Variants in PIP5K1C observed in about 807,000 individuals in gnomAD.
The protein encoded by PIP5K1C is phosphatidylinositol-4-phosphate 5-kinase type 1 gamma, also known as phosphatidylinositol 4-phosphate 5-kinase type-1 gamma.
PIP5K1C carries 45 observed loss-of-function variants against 80.1 expected under a neutral mutation model. The ratio of observed to expected loss-of-function variants is 0.56; its 90% CI spans 0.44 to 0.72. The LOEUF is 0.72. Ranked by LOEUF, PIP5K1C falls within the 30% of genes least tolerant of loss-of-function variation. The pLI is 0.00. For missense variants in PIP5K1C, 753 were observed against 954.6 expected (o/e 0.79, Z 2.78); for synonymous variants, 498 against 420.1 (o/e 1.19, Z -2.27).
intron 1 of PIP5K1C, among the ~76,000 whole-genome samples, chr19:3,693,419 G>A (rs2036002433): frequency 6.6e-6 from 1 of 152,178 alleles, no homozygotes; most frequent in Non-Finnish European, 1.5e-5. Context: ...CGGGGAGGCA[G>A]GTGCAGGGGC....
rs903094051 is a variant in PIP5K1C at position 3,696,562 on chromosome 19, C to T, written c.94+3735G>A. Reference sequence around the variant, plus strand: ...AGATGCTCCCACAAAACCTGGAAAGCGCTAAGGGAGCAAAGGACACAGATG... The same window carrying T: ...AGATGCTCCCACAAAACCTGGAAAGTGCTAAGGGAGCAAAGGACACAGATG... On this transcript the variant is annotated intron_variant, in intron 1 of 17. Coordinates refer to ENST00000335312, the MANE Select transcript of PIP5K1C (RefSeq NM_012398.3). This position sits in a 1 kb window ranked among gnomAD's most constrained non-coding sequence, Gnocchi z 4.1. Among the ~76,000 whole-genome samples, 16 of 139,042 alleles carry T rather than the reference C, an allele frequency of 1.2e-4. No homozygotes were observed. The highest frequency in any genetic ancestry group is 1.7e-4 in the Non-Finnish European group (11 of 66,192). The allele number at this position is 139,042 out of a possible 152,430, so 91.2% of individuals were successfully genotyped here.
intron 1 of PIP5K1C, among the ~76,000 whole-genome samples, chr19:3,677,620 A>G (rs1233230040): frequency 6.6e-6 from 1 of 150,764 alleles, no homozygotes; most frequent in Non-Finnish European, 1.5e-5. Context: ...CAAGATGCTG[A>G]ATCGTGTTAA....
At chr19:3,639,673 CCTCCTGCCTCAG>C (rs2033882471) in intron 15 of PIP5K1C, among the ~76,000 whole-genome samples, 2 of 151,916 alleles carry the variant, frequency 1.3e-5, no homozygotes, top group African/African-American at 4.8e-5. Context: ...GTCAAGCGAT[CCTCCTGCCTCAG>C]CCTCCTTTAG....
At chr19:3,662,541 C>T (rs763496945) in intron 3 of PIP5K1C, among the ~76,000 whole-genome samples, 2 of 152,206 alleles carry the variant, frequency 1.3e-5, no homozygotes, top group East Asian at 1.9e-4. Context: ...CTCTTGCGGA[C>T]GTGGTGTCAG....
At chr19:3,680,693 A>G (rs1430234835) in intron 1 of PIP5K1C, among the ~76,000 whole-genome samples, 1 of 152,250 alleles carries the variant, frequency 6.6e-6, no homozygotes, top group Admixed American at 6.5e-5. Context: ...TACATAGGTC[A>G]AAAAACATCT....
intron 1 of PIP5K1C, among the ~76,000 whole-genome samples, chr19:3,685,229 T>C (rs964838069): frequency 6.6e-6 from 1 of 152,166 alleles, no homozygotes; most frequent in Non-Finnish European, 1.5e-5. Flanking sequence ...TGTCAATAGA[T>C]TCTCCCCTAG....
intron 4 of PIP5K1C, 120 bp downstream of exon 4, chr19:3,661,751 G>C: frequency 8.3e-7 from 1 of 1,210,358 alleles, no homozygotes; most frequent in Non-Finnish European, 1.2e-6. Context: ...TCAAGGCCAA[G>C]GAGGCGCCAG....
At chr19:3,659,214 C>T (rs1001544300) in intron 5 of PIP5K1C, among the ~76,000 whole-genome samples, 4 of 152,242 alleles carry the variant, frequency 2.6e-5, no homozygotes, top group South Asian at 2.1e-4. Flanking sequence ...CCCGTCCTCC[C>T]GCTGTGGCAC....
rs1256530813 is a variant in PIP5K1C at position 3,697,057 on chromosome 19, GGGAGGACCGAGCTGGACCAA to G, written c.94+3220_94+3239del. On this transcript the variant is annotated intron_variant, in intron 1 of 17. Coordinates refer to ENST00000335312, the MANE Select transcript of PIP5K1C (RefSeq NM_012398.3). ...GACAAAGGAGGACTGAGCTGGACCG[GGGAGGACCGAGCTGGACCAA>G]GGAGGACCGAGCTGGACCGAGGAGG... 8.8e-3 allele frequency among the ~76,000 whole-genome samples: 1,306 copies of G among 147,974 alleles called. 16 individuals carry two copies. The highest frequency in any genetic ancestry group is 0.03 in the African/African-American group (1,220 of 40,056).
rs752327719 is a variant in PIP5K1C, at chr19:3,644,050, T to C, written c.1510+37A>G. ...ACGGGGCTGCTGCTGGCACCCCCTG[T>C]AGCGCCCACAAGCGCACTCTGCCCT... On this transcript the variant is annotated intron_variant, in intron 12 of 17. Transcript: ENST00000335312. 1.9e-6 allele frequency: 3 copies of C among 1,606,706 alleles called. No individual in the cohort carries two copies. The South Asian group carries it at 3.3e-5, about 18-fold the overall frequency.
chr19:3,644,420 T>A (rs913749239), intron 11 of PIP5K1C, among the ~76,000 whole-genome samples, 169 bp from the exon 12 acceptor site: 3 of 152,038 alleles, frequency 2.0e-5, no homozygotes, highest in Non-Finnish European at 4.4e-5. Flanking sequence ...GGGGTCTGCC[T>A]GGGGAGGGAC....
intron 11 of PIP5K1C, 91 bp downstream of exon 11, chr19:3,645,883 G>C: frequency 2.1e-6 from 2 of 948,808 alleles, no homozygotes; most frequent in Non-Finnish European, 3.5e-6. Context: ...TGCCCAGGGG[G>C]CTCTCGGCCT....
intron 1 of PIP5K1C, among the ~76,000 whole-genome samples, chr19:3,687,540 TACATGCAC>T (rs769479020): frequency 2.0e-4 from 30 of 147,402 alleles, no homozygotes; most frequent in Non-Finnish European, 3.0e-4. Context: ...CGCACACACA[TACATGCAC>T]ACATGCACAC....
chr19:3,698,824 C>T (rs2036204237), intron 1 of PIP5K1C, among the ~76,000 whole-genome samples: 1 of 152,142 alleles, frequency 6.6e-6, no homozygotes, highest in East Asian at 1.9e-4. Flanking sequence ...TGAGGCAACT[C>T]TGAATTTTAA....
chr19:3,689,292 T>C (rs2035872402), intron 1 of PIP5K1C, among the ~76,000 whole-genome samples: 1 of 152,210 alleles, frequency 6.6e-6, no homozygotes, highest in Non-Finnish European at 1.5e-5. Context: ...AACCCGACCT[T>C]GGGTTTCCCC....
intron 1 of PIP5K1C, among the ~76,000 whole-genome samples, chr19:3,678,801 G>T (rs1465364007): frequency 1.5e-5 from 2 of 133,480 alleles, no homozygotes; most frequent in African/African-American, 5.7e-5. Flanking sequence ...GAGGGATGGA[G>T]AATGGAGGGA....
intron 16 of PIP5K1C, among the ~76,000 whole-genome samples, chr19:3,634,751 C>A (rs531252842): frequency 1.3e-5 from 2 of 152,350 alleles, no homozygotes; most frequent in East Asian, 3.9e-4. Context: ...TCGGGCTCTG[C>A]CTCCATGCTC....
At chr19:3,644,311 A>G (rs2034118747) in intron 11 of PIP5K1C, 60 bp from the exon 12 acceptor site, 1 of 1,557,640 alleles carries the variant, frequency 6.4e-7, no homozygotes, top group South Asian at 1.1e-5. Flanking sequence ...CAAAGCCCAG[A>G]CAGGGCCGCC....
rs911488818 is a variant in PIP5K1C, at chr19:3,687,984, G to A, written c.94+12313C>T. Among the ~76,000 whole-genome samples, 5 of 152,338 alleles carry A rather than the reference G, an allele frequency of 3.3e-5. No homozygotes were observed. The East Asian group carries it at 7.7e-4, about 24-fold the overall frequency. ...GCTCCACTCTCAGCACCAAGCTCCC[G>A]GGCGGGCCGGGGCAGGAGGCTGTGG... On this transcript the variant is annotated intron_variant, in intron 1 of 17. Transcript: ENST00000335312.
Sources: allele counts gnomAD v4.1 joint callset (sites outside exome capture counted in the v4.1 genomes callset), GRCh38; gene constraint gnomAD v4.1.1; non-coding constraint Gnocchi (gnomAD v3.1); transcripts MANE v1.5; gene names NCBI Gene and HGNC (gene_info 2026-07-23, HGNC 2026-07-21).